The following PCDHA4 variants were observed in gnomAD, a reference collection of about 807,000 sequenced individuals.
The protein encoded by PCDHA4 is protocadherin alpha-4.
A neutral mutation model predicts 61.4 loss-of-function variants in PCDHA4; 49 were observed. The observed-to-expected ratio is 0.80, with a 90% CI of 0.63 to 1.01. The LOEUF (loss-of-function observed/expected upper bound fraction) is 1.01. PCDHA4 is among the 50% of genes least tolerant of loss of function. The probability of loss-of-function intolerance (pLI) is 0.00; values close to 1 mark genes in which losing one functional copy is unlikely to be tolerated. For synonymous variants in PCDHA4, 590 were observed against 550.3 expected, an observed-to-expected ratio of 1.07 and a Z score of -1.01; for missense variants, 1,254 against 1,235.8, an observed-to-expected ratio of 1.01 and a Z score of -0.22.
chr5:140,944,689 A>T (rs1360975363), intron 1 of PCDHA4, among the ~76,000 whole-genome samples: 1 of 152,226 alleles, frequency 6.6e-6, no homozygotes, highest in Non-Finnish European at 1.5e-5. Context: ...TCCTATTAAT[A>T]ACAGTAATTA....
Position 140,823,224 on chromosome 5 carries a change from G to T in PCDHA4, c.2385+13652G>T, listed in dbSNP as rs2150123702. 6 of 1,613,550 alleles carry T rather than the reference G, an allele frequency of 3.7e-6. No homozygotes were observed. The Admixed American group carries it at 6.7e-5, about 18-fold the overall frequency. On this transcript the variant is annotated intron_variant, in intron 1 of 3. Coordinates refer to ENST00000530339, the MANE Select transcript of PCDHA4 (RefSeq NM_018907.4). Reference sequence around the variant, plus strand: ...CGGTGTCTGCACGGGACGCGGACGCGCAGGAGAACGCCCTGGTGTCCTACT... The same window carrying T: ...CGGTGTCTGCACGGGACGCGGACGCTCAGGAGAACGCCCTGGTGTCCTACT...
chr5:140,863,195 C>T (rs782227810), intron 1 of PCDHA4: 17 of 864,950 alleles, frequency 2.0e-5, no homozygotes, highest in Admixed American at 3.7e-5. Context: ...GTGGTGGCGT[C>T]GCTGGCGGAG....
At chr5:140,814,714 T>C (rs1554126579) in intron 1 of PCDHA4, 2 of 152,190 alleles carry the variant, frequency 1.3e-5, no homozygotes. Flanking sequence ...CACTAGGTGA[T>C]AGGAATTTTT....
intron 1 of PCDHA4, among the ~76,000 whole-genome samples, chr5:140,910,787 T>G (rs566298433): frequency 2.0e-5 from 3 of 152,196 alleles, no homozygotes; most frequent in Non-Finnish European, 4.4e-5. Flanking sequence ...CAACATTAAA[T>G]GCAGAATCCC....
chr5:140,889,080 A>G (rs2062092798), intron 1 of PCDHA4, among the ~76,000 whole-genome samples: 1 of 151,888 alleles, frequency 6.6e-6, no homozygotes, highest in Non-Finnish European at 1.5e-5. Flanking sequence ...ATTTTGTTAA[A>G]TTTTCAAAAC....
intron 1 of PCDHA4, chr5:140,928,422 A>T (rs782264875): frequency 1.2e-6 from 2 of 1,614,136 alleles, no homozygotes; most frequent in Admixed American, 3.3e-5. Context: ...TCACTGCCAA[A>T]ACTTCCTTTG....
At chr5:140,978,716 T>C (rs1317618418) in intron 1 of PCDHA4, among the ~76,000 whole-genome samples, 2 of 152,252 alleles carry the variant, frequency 1.3e-5, no homozygotes, top group African/African-American at 4.8e-5. Flanking sequence ...CTTTACAAGA[T>C]TATTAAATCT....
At chr5:140,853,555 G>A in intron 1 of PCDHA4, 1 of 980,632 alleles carries the variant, frequency 1.0e-6, no homozygotes, top group Non-Finnish European at 1.2e-6. Context: ...TTACTATATA[G>A]GAAAAACTAA....
intron 1 of PCDHA4, chr5:140,866,690 A>G (rs1371582983): frequency 1.3e-5 from 2 of 152,178 alleles, no homozygotes; most frequent in Non-Finnish European, 2.9e-5. Flanking sequence ...CTGTTAGAAT[A>G]TCAGTGGATG....
Position 140,898,798 on chromosome 5 carries a change from G to A in PCDHA4, c.2386-80151G>A, listed in dbSNP as rs1441416892. On this transcript the variant is annotated intron_variant, in intron 1 of 3. Coordinates refer to ENST00000530339, the MANE Select transcript of PCDHA4 (RefSeq NM_018907.4). The stretch of plus-strand genomic sequence containing the variant: ...CCTTGGGCAGTATGGCCATTTTCAC[G>A]ATACTGATTCTTCCTACCCATGAGC... Among the ~76,000 whole-genome samples the A allele has an allele frequency of 2.6e-4, 39 of 152,120 alleles. 1 individual carries two copies. Among genetic ancestry groups the A allele is most frequent in the African/African-American group, 7.2e-5 (3 of 41,414 alleles).
At chr5:140,920,616 C>T (rs929240808) in intron 1 of PCDHA4, among the ~76,000 whole-genome samples, 3 of 152,128 alleles carry the variant, frequency 2.0e-5, no homozygotes, top group Admixed American at 1.3e-4. Context: ...GAGGCCGAGG[C>T]GGATGGATCA....
chr5:140,912,878 T>C (rs2076104558), intron 1 of PCDHA4, among the ~76,000 whole-genome samples: 1 of 152,236 alleles, frequency 6.6e-6, no homozygotes, highest in Non-Finnish European at 1.5e-5. Flanking sequence ...GTTTTTGGTC[T>C]TCATTCTGTT....
chr5:140,858,889 AT>A (rs2045644235), intron 1 of PCDHA4: 2 of 236,178 alleles, frequency 8.5e-6, no homozygotes, highest in African/African-American at 2.4e-5. Context: ...CATGTGTAGA[AT>A]ATGTGTAGCG....
chr5:140,867,150 G>C lies in PCDHA4; in HGVS notation c.2385+57578G>C, dbSNP rs1027648085. On this transcript the variant is annotated intron_variant, in intron 1 of 3. Coordinates refer to ENST00000530339, the MANE Select transcript of PCDHA4 (RefSeq NM_018907.4). ...AATATGTGATATTATCATTTTTCCA[G>C]AGTAAACCTTCTAAGGTTCATTTCC... The C allele has an allele frequency of 2.0e-5, 3 of 152,068 alleles. No individual in the cohort carries two copies. The East Asian group carries it at 5.8e-4, about 29-fold the overall frequency. The allele number at this position is 152,068 out of a possible 1,614,324, so 9.4% of individuals were successfully genotyped here. A position where few individuals can be genotyped will look rare whatever the true frequency, so the allele number is the denominator to read the frequency against.
At chr5:140,969,514 G>T (rs2096339995) in intron 1 of PCDHA4, 3 of 1,414,044 alleles carry the variant, frequency 2.1e-6, no homozygotes, top group Admixed American at 2.8e-5. Flanking sequence ...TAGCACTAAA[G>T]AATTGTTTTA....
At chr5:140,825,266 T>C (rs1768494140) in intron 1 of PCDHA4, 2 of 151,016 alleles carry the variant, frequency 1.3e-5, no homozygotes, top group African/African-American at 4.8e-5. Flanking sequence ...AGGTATGTGA[T>C]TGGTTATTTT....
chr5:140,843,669 T>C (rs1554140329), intron 1 of PCDHA4: 2 of 1,592,688 alleles, frequency 1.3e-6, no homozygotes, highest in Non-Finnish European at 1.7e-6. Flanking sequence ...CTGGGATCAG[T>C]TGATGTAGGC....
rs79304807 is a variant in PCDHA4 at position 140,914,832 on chromosome 5, A to G, written c.2386-64117A>G. ...ACTTAACAGACTGCATAAACAAAAA[A>G]CAAACACACAAAAGGAAGACTAATA... On this transcript the variant is annotated intron_variant, in intron 1 of 3. Transcript: ENST00000530339. 8.0e-3 allele frequency among the ~76,000 whole-genome samples: 1,220 copies of G among 152,292 alleles called. 6 individuals carry two copies. Among genetic ancestry groups the G allele is most frequent in the African/African-American group, 0.019 (787 of 41,574 alleles).
intron 1 of PCDHA4, chr5:140,824,008 G>A (rs2150131408): frequency 3.7e-6 from 6 of 1,614,026 alleles, no homozygotes; most frequent in Non-Finnish European, 5.1e-6. Flanking sequence ...CAGCGCGGTG[G>A]GGAGCTGGTC....
Sources: allele counts gnomAD v4.1 joint callset (sites outside exome capture counted in the v4.1 genomes callset), GRCh38; gene constraint gnomAD v4.1.1; transcripts MANE v1.5; gene names NCBI Gene and HGNC (gene_info 2026-07-23, HGNC 2026-07-21).